The following PTCHD4 variants were observed in gnomAD, a reference collection of about 807,000 sequenced individuals.
PTCHD4 encodes the protein patched domain containing 4.
A neutral mutation model predicts 58.1 loss-of-function variants in PTCHD4; 33 were observed. That is an observed-to-expected ratio of 0.57 (90% CI 0.43 to 0.76). The LOEUF (loss-of-function observed/expected upper bound fraction) is 0.76. Ranked by LOEUF, PTCHD4 falls within the 30% of genes least tolerant of loss-of-function variation. PTCHD4 has a pLI of 0.00. For synonymous variants in PTCHD4, 478 were observed against 409.6 expected, an observed-to-expected ratio of 1.17 and a Z score of -2.02; for missense variants, 1,058 against 1,027.1, an observed-to-expected ratio of 1.03 and a Z score of -0.41.
intron 4 of PTCHD4, among the ~76,000 whole-genome samples, chr6:47,925,015 T>A (rs1010279447): frequency 2.0e-5 from 3 of 149,560 alleles, no homozygotes; most frequent in African/African-American, 7.3e-5. Context: ...TATATGTATA[T>A]ATGCTTTTAA....
rs1322034760 is a variant in PTCHD4, at chr6:47,860,209, G to A, written c.*18094C>T. On this transcript the variant is annotated 3_prime_UTR_variant, in exon 5 of 5. Transcript: ENST00000339488. ...TTGTGAGTGACTATTTCTTCTGTCAGCATCTTTAAAGAGATTGCAAGCAAT... is the reference window on the plus strand; with the variant it reads ...TTGTGAGTGACTATTTCTTCTGTCAACATCTTTAAAGAGATTGCAAGCAAT... 1.3e-5 allele frequency among the ~76,000 whole-genome samples: 2 copies of A among 151,924 alleles called. No individual in the cohort carries two copies. Among genetic ancestry groups the A allele is most frequent in the Non-Finnish European group, 2.9e-5 (2 of 67,962 alleles).
At chr6:48,097,812 G>A (rs1050519631) in intron 1 of PTCHD4, among the ~76,000 whole-genome samples, 1 of 152,160 alleles carries the variant, frequency 6.6e-6, no homozygotes, top group Non-Finnish European at 1.5e-5. Flanking sequence ...AAATACAGAA[G>A]TTAAGTTCAG....
chr6:47,937,947 G>A (rs1272380115), intron 4 of PTCHD4, among the ~76,000 whole-genome samples: 3 of 152,148 alleles, frequency 2.0e-5, no homozygotes, highest in African/African-American at 7.2e-5. Context: ...GAGGTCAGGA[G>A]TTCAAGAACA....
intron 4 of PTCHD4, among the ~76,000 whole-genome samples, chr6:47,962,981 G>A (rs1459333945): frequency 6.6e-6 from 1 of 151,794 alleles, no homozygotes; most frequent in Non-Finnish European, 1.5e-5. Context: ...GTAACACGGT[G>A]AAACTGCACC....
intron 1 of PTCHD4, among the ~76,000 whole-genome samples, chr6:48,110,687 G>A (rs1328479955): frequency 1.3e-5 from 2 of 150,068 alleles, no homozygotes; most frequent in Admixed American, 6.7e-5. Flanking sequence ...ACTGTGAAGT[G>A]ATAGATATTA....
At chr6:47,902,881 A>G (rs558714041) in intron 4 of PTCHD4, among the ~76,000 whole-genome samples, 1 of 152,344 alleles carries the variant, frequency 6.6e-6, no homozygotes, top group South Asian at 2.1e-4. Flanking sequence ...AAGTTATAAA[A>G]TAAATTGTCT....
intron 4 of PTCHD4, among the ~76,000 whole-genome samples, chr6:47,942,669 G>C (rs868614538): frequency 2.6e-5 from 4 of 152,174 alleles, no homozygotes; most frequent in Admixed American, 6.5e-5. Context: ...CAAATAACCA[G>C]ATCTCCTCAT....
intron 3 of PTCHD4, among the ~76,000 whole-genome samples, chr6:48,033,903 A>G (rs554488642): frequency 6.6e-6 from 1 of 152,096 alleles, no homozygotes; most frequent in Non-Finnish European, 1.5e-5. Flanking sequence ...TGGGAGCACC[A>G]TTTTATGGAA....
At chr6:48,098,972 A>C (rs1386796901) in intron 1 of PTCHD4, among the ~76,000 whole-genome samples, 1 of 152,214 alleles carries the variant, frequency 6.6e-6, no homozygotes, top group Non-Finnish European at 1.5e-5. Flanking sequence ...GTACCTAGAC[A>C]CAGATTCCTT....
intron 4 of PTCHD4, among the ~76,000 whole-genome samples, chr6:47,959,921 T>C (rs1767014326): frequency 6.6e-6 from 1 of 151,518 alleles, no homozygotes; most frequent in Non-Finnish European, 1.5e-5. Flanking sequence ...AGAATACAAA[T>C]GTTATAAGCA....
At chr6:47,953,788 A>G (rs1290082251) in intron 4 of PTCHD4, among the ~76,000 whole-genome samples, 1 of 152,196 alleles carries the variant, frequency 6.6e-6, no homozygotes, top group Non-Finnish European at 1.5e-5. Flanking sequence ...ATAAAACACT[A>G]TCTGTTCTAA....
chr6:47,910,382 A>G (rs1291595884), intron 4 of PTCHD4, among the ~76,000 whole-genome samples: 2 of 152,110 alleles, frequency 1.3e-5, no homozygotes, highest in Admixed American at 1.3e-4. Flanking sequence ...CACAGCACAG[A>G]GGGAGGGCAT....
intron 4 of PTCHD4, among the ~76,000 whole-genome samples, chr6:47,898,511 C>T (rs1374553534): frequency 6.6e-6 from 1 of 152,066 alleles, no homozygotes; most frequent in African/African-American, 2.4e-5. Flanking sequence ...AGCATGGGGC[C>T]AGCAAAAGAC....
rs1763900733 is a variant in PTCHD4, at chr6:47,878,277, A to G, written c.*26T>C. ...GCATCATTGTGCAATACTGGAAAAG[A>G]AAAATAATCCACTGGTCTATACCCC... On this transcript the variant is annotated 3_prime_UTR_variant, in exon 5 of 5. Coordinates refer to ENST00000339488, the MANE Select transcript of PTCHD4 (RefSeq NM_001384253.1). The G allele has an allele frequency of 6.5e-7, 1 of 1,536,278 alleles. No individual in the cohort carries two copies. The highest frequency in any genetic ancestry group is 8.7e-7 in the Non-Finnish European group (1 of 1,145,218).
chr6:47,886,423 G>A (rs1158031860), intron 4 of PTCHD4, among the ~76,000 whole-genome samples: 2 of 151,816 alleles, frequency 1.3e-5, no homozygotes, highest in Non-Finnish European at 2.9e-5. Flanking sequence ...CTTTTCACTT[G>A]AACATGCTAA....
intron 4 of PTCHD4, among the ~76,000 whole-genome samples, chr6:48,006,795 A>T (rs947041520): frequency 1.5e-4 from 23 of 152,362 alleles, no homozygotes; most frequent in Middle Eastern, 6.8e-3. Flanking sequence ...CACTTAAAAC[A>T]TCAGGTTAAA....
chr6:48,037,502 T>C (rs1039177444), intron 3 of PTCHD4, among the ~76,000 whole-genome samples: 2 of 152,156 alleles, frequency 1.3e-5, no homozygotes, highest in African/African-American at 4.8e-5. Context: ...AAAGGAAGTA[T>C]GCACAGATTT....
At chr6:48,105,301 C>T (rs917451810) in intron 1 of PTCHD4, among the ~76,000 whole-genome samples, 1 of 152,142 alleles carries the variant, frequency 6.6e-6, no homozygotes, top group Non-Finnish European at 1.5e-5. Context: ...AAGAAACTCA[C>T]TCAAAACTGC....
intron 4 of PTCHD4, among the ~76,000 whole-genome samples, chr6:47,880,635 G>A (rs760439537): frequency 6.6e-6 from 1 of 152,142 alleles, no homozygotes; most frequent in Non-Finnish European, 1.5e-5. Context: ...TCTGATTCAC[G>A]TGAGATGGAT....
Sources: allele counts gnomAD v4.1 joint callset (sites outside exome capture counted in the v4.1 genomes callset), GRCh38; gene constraint gnomAD v4.1.1; transcripts MANE v1.5; gene names NCBI Gene and HGNC (gene_info 2026-07-23, HGNC 2026-07-21).